Variants in PBLD observed in about 807,000 individuals in gnomAD.
PBLD encodes phenazine biosynthesis like protein domain containing.
PBLD carries 26 observed loss-of-function variants against 31.3 expected under a neutral mutation model. The observed-to-expected ratio is 0.83, with a 90% CI of 0.61 to 1.15. The LOEUF is 1.15. Ranked by LOEUF, PBLD falls within the 50% of genes most tolerant of loss-of-function variation. PBLD has a pLI of 0.00. For synonymous variants in PBLD, 114 were observed against 129.0 expected (o/e 0.88, Z 0.79); for missense variants, 307 against 351.7 (o/e 0.87, Z 1.02).
rs2044255653 is a variant in PBLD, at chr10:68,283,801, A to G, written c.*376T>C. On this transcript the variant is annotated 3_prime_UTR_variant, in exon 10 of 10. Transcript: ENST00000358769. Reference sequence around the variant, plus strand: ...TACTCTGTTGCCCAGGCTGGAGTGCAGTGGTGTGATCTCTGCTCACTGCAA... The same window carrying G: ...TACTCTGTTGCCCAGGCTGGAGTGCGGTGGTGTGATCTCTGCTCACTGCAA... The G allele has an allele frequency of 5.1e-6, 1 of 196,220 alleles. No individual in the cohort carries two copies. Among genetic ancestry groups the G allele is most frequent in the Admixed American group, 5.4e-5 (1 of 18,670 alleles). The allele number at this position is 196,220 out of a possible 1,614,324, so 12.2% of individuals were successfully genotyped here.
chr10:68,328,101 G>A (rs1267332819), intron 1 of PBLD, among the ~76,000 whole-genome samples: 2 of 152,122 alleles, frequency 1.3e-5, no homozygotes, highest in African/African-American at 4.8e-5. Flanking sequence ...CATAATAAAG[G>A]AGATTAGTGC....
At position 68,327,964 on chromosome 10, in the gene PBLD, T is replaced by A. The variant is rs2044950242; in HGVS notation, c.-60+4820A>T. The stretch of plus-strand genomic sequence containing the variant: ...TTTTCATTTGTTTACTTAGTATAAT[T>A]ATTAAGATTGAACAGGCCTTTTGGT... On this transcript the variant is annotated intron_variant, in intron 1 of 9. Coordinates refer to ENST00000358769, the MANE Select transcript of PBLD (RefSeq NM_022129.4). Among the ~76,000 whole-genome samples the A allele has an allele frequency of 2.0e-5, 3 of 152,200 alleles. No individual in the cohort carries two copies. In the South Asian group the frequency reaches 6.2e-4, roughly 31 times the overall value.
At chr10:68,284,803 G>A (rs1241773124) in intron 9 of PBLD, among the ~76,000 whole-genome samples, 1 of 152,232 alleles carries the variant, frequency 6.6e-6, no homozygotes, top group Non-Finnish European at 1.5e-5. Flanking sequence ...CCTTCCAGGA[G>A]CTCAGTACTT....
At chr10:68,316,949 G>A (rs1248761872) in intron 1 of PBLD, among the ~76,000 whole-genome samples, 1 of 152,144 alleles carries the variant, frequency 6.6e-6, no homozygotes, top group Non-Finnish European at 1.5e-5. Context: ...GGAGATGGAG[G>A]TTGCAGTGAG....
At chr10:68,329,270 T>A (rs911789120) in intron 1 of PBLD, among the ~76,000 whole-genome samples, 2 of 152,176 alleles carry the variant, frequency 1.3e-5, no homozygotes, top group African/African-American at 4.8e-5. Flanking sequence ...TTCCTGAGTA[T>A]GCACACTGGC....
chr10:68,292,209 T>G lies in PBLD; in HGVS notation c.313A>C (p.Thr105Pro), dbSNP rs753115148. Reference protein sequence around the residue: ...KNMNSTLTFVTLSGELRARRA... With the variant: ...KNMNSTLTFVPLSGELRARRA... ...CTGGCCCTTAGTTCTCCACTCAGAG[T>G]GACAAACGTGAGCGTGCTATTCATG... The change falls in exon 5 of 10, where the codon ACT becomes CCT. Residue 105 changes from threonine (T) to proline (P), a missense_variant. By Grantham distance (38) the Thr-to-Pro change is conservative (BLOSUM62 -1). Transcript: ENST00000358769. The G allele has an allele frequency of 1.2e-6, 2 of 1,613,496 alleles. No individual in the cohort carries two copies. Among genetic ancestry groups the G allele is most frequent in the Non-Finnish European group, 8.5e-7 (1 of 1,180,014 alleles).
intron 1 of PBLD, among the ~76,000 whole-genome samples, chr10:68,310,841 G>T (rs1297047243): frequency 1.5e-5 from 2 of 137,664 alleles, no homozygotes; most frequent in East Asian, 2.9e-4. Context: ...CTCTACTTTT[G>T]ATGGGGTTAC....
chr10:68,331,456 G>C (rs2045083188), intron 1 of PBLD: 1 of 152,316 alleles, frequency 6.6e-6, no homozygotes, highest in South Asian at 2.1e-4. Flanking sequence ...GCGGCACATT[G>C]GGACGAAGCG....
At chr10:68,329,818 A>G (rs2044984930) in intron 1 of PBLD, among the ~76,000 whole-genome samples, 1 of 152,198 alleles carries the variant, frequency 6.6e-6, no homozygotes, top group East Asian at 1.9e-4. Flanking sequence ...CTTAAGTTAT[A>G]GATAAGTTAT....
chr10:68,326,984 T>G (rs2044931280), intron 1 of PBLD, among the ~76,000 whole-genome samples: 1 of 151,962 alleles, frequency 6.6e-6, no homozygotes, highest in African/African-American at 2.4e-5. Flanking sequence ...GAGTCAAGGG[T>G]TGCAGTGAGC....
At position 68,283,388 on chromosome 10, in the gene PBLD, A is replaced by G. The variant is rs1002775530; in HGVS notation, c.*789T>C. ...AACTGTTTTCAGTTTGCTATTTTTA[A>G]TGGCCCATGCTTATTTATATAGACA... is the stretch of plus-strand genomic sequence containing the variant. On this transcript the variant is annotated 3_prime_UTR_variant, in exon 10 of 10. Coordinates refer to ENST00000358769, the MANE Select transcript of PBLD (RefSeq NM_022129.4). 7 of 152,174 alleles carry G rather than the reference A, an allele frequency of 4.6e-5. No homozygotes were observed. Among genetic ancestry groups the G allele is most frequent in the Non-Finnish European group, 1.0e-4 (7 of 68,036 alleles). 9.4% of individuals were successfully genotyped at this position (152,174 alleles called of 1,614,324 possible).
intron 1 of PBLD, among the ~76,000 whole-genome samples, chr10:68,309,708 T>G (rs1436255526): frequency 2.1e-5 from 3 of 145,606 alleles, no homozygotes; most frequent in African/African-American, 7.7e-5. Context: ...CTAGGGAGGC[T>G]GAGGCAGGAG....
intron 1 of PBLD, among the ~76,000 whole-genome samples, chr10:68,315,788 G>C (rs1202462437): frequency 3.3e-5 from 5 of 152,162 alleles, no homozygotes; most frequent in Non-Finnish European, 5.9e-5. Context: ...GTCTGGCTGA[G>C]TGTCAAGGGT....
chr10:68,298,422 T>G (rs2044460225), intron 2 of PBLD, among the ~76,000 whole-genome samples: 1 of 151,980 alleles, frequency 6.6e-6, no homozygotes, highest in Admixed American at 6.6e-5. Flanking sequence ...AACCCTGGAG[T>G]TGGAGACCAG....
chr10:68,318,224 C>G (rs190093968), intron 1 of PBLD, among the ~76,000 whole-genome samples: 65 of 151,572 alleles, frequency 4.3e-4, no homozygotes, highest in African/African-American at 1.6e-3. Context: ...GAGACTCTGT[C>G]TCTAAATAAA....
chr10:68,288,209 A>G, intron 8 of PBLD: 1 of 446,172 alleles, frequency 2.2e-6, no homozygotes, highest in African/African-American at 1.9e-5. Flanking sequence ...GACTTTTAAA[A>G]GTCAAGTCAC....
chr10:68,288,188 G>A (rs1190230241), intron 8 of PBLD: 1 of 402,330 alleles, frequency 2.5e-6, no homozygotes, highest in Non-Finnish European at 4.5e-6. Context: ...ATTTATAGAG[G>A]AGGGAACTGA....
chr10:68,326,691 AC>A (rs1250916141), intron 1 of PBLD, among the ~76,000 whole-genome samples: 1 of 152,236 alleles, frequency 6.6e-6, no homozygotes. Flanking sequence ...ACTAGAATTA[AC>A]ATTATTTCAA....
chr10:68,289,147 A>T, intron 6 of PBLD, 128 bp from the exon 7 acceptor site: 1 of 687,506 alleles, frequency 1.5e-6, no homozygotes, highest in Non-Finnish European at 2.5e-6. Flanking sequence ...TCCAGTCCCC[A>T]AGAGTGTTAG....
Sources: allele counts gnomAD v4.1 joint callset (sites outside exome capture counted in the v4.1 genomes callset), GRCh38; gene constraint gnomAD v4.1.1; transcripts MANE v1.5; gene names NCBI Gene and HGNC (gene_info 2026-07-23, HGNC 2026-07-21).